The following TTLL11 variants were observed in gnomAD, a reference collection of about 807,000 sequenced individuals.
TTLL11 encodes tubulin tyrosine ligase like 11.
A neutral mutation model predicts 51.7 loss-of-function variants in TTLL11; 42 were observed. The ratio of observed to expected loss-of-function variants is 0.81; its 90% CI spans 0.64 to 1.05. The LOEUF is 1.05. TTLL11 is among the 50% of genes least tolerant of loss of function. The pLI, the probability that TTLL11 is intolerant of heterozygous loss-of-function variation, is 0.00. For missense variants in TTLL11, 799 were observed against 940.4 expected (o/e 0.85, Z 1.97); for synonymous variants, 381 against 383.5 (o/e 0.99, Z 0.08).
chr9:121,920,287 G>A (rs1420029748), intron 6 of TTLL11, among the ~76,000 whole-genome samples: 2 of 152,160 alleles, frequency 1.3e-5, no homozygotes, highest in Non-Finnish European at 2.9e-5. Context: ...TGGTGACAAG[G>A]TGAGACTCTG....
rs1418449527 is a variant in TTLL11, at chr9:121,815,876, C to CT, written c.*6710dup. ...AGAGCTCAGCACAGAGCGGAGGGGG[C>CT]TGGAGCACGTGGGGCCTCTCACCAG... On this transcript the variant is annotated 3_prime_UTR_variant, in exon 9 of 9. Coordinates refer to ENST00000321582, the MANE Select transcript of TTLL11 (RefSeq NM_001139442.2). The CT allele has an allele frequency of 2.0e-5, 3 of 152,192 alleles. No homozygotes were observed. Among genetic ancestry groups the CT allele is most frequent in the Non-Finnish European group, 4.4e-5 (3 of 68,028 alleles). The allele number at this position is 152,192 out of a possible 1,614,324, so 9.4% of individuals were successfully genotyped here. A position where few individuals can be genotyped will look rare whatever the true frequency, so the allele number is the denominator to read the frequency against.
chr9:122,025,162 A>T (rs770862646), intron 3 of TTLL11, among the ~76,000 whole-genome samples: 63 of 152,222 alleles, frequency 4.1e-4, no homozygotes, highest in Admixed American at 1.8e-3. Flanking sequence ...CCCAATTAAA[A>T]AAAAATAGGC....
chr9:121,941,304 T>C (rs1014222074), intron 6 of TTLL11, among the ~76,000 whole-genome samples: 14 of 152,216 alleles, frequency 9.2e-5, no homozygotes, highest in South Asian at 6.2e-4. Flanking sequence ...GCTTTCCTCC[T>C]CTACCCTCCT....
chr9:122,047,206 A>G (rs922297769), intron 1 of TTLL11, among the ~76,000 whole-genome samples: 16 of 152,126 alleles, frequency 1.1e-4, no homozygotes, highest in African/African-American at 3.9e-4. Flanking sequence ...ATTGTTCATA[A>G]CACCCATTGC....
chr9:122,001,308 C>T (rs1349877701), intron 3 of TTLL11, among the ~76,000 whole-genome samples: 1 of 152,166 alleles, frequency 6.6e-6, no homozygotes, highest in Non-Finnish European at 1.5e-5. Context: ...GTTGGACAGG[C>T]TGGTCTCCAA....
At chr9:122,069,715 A>G (rs867702627) in intron 1 of TTLL11, among the ~76,000 whole-genome samples, 1 of 152,006 alleles carries the variant, frequency 6.6e-6, no homozygotes, top group South Asian at 2.1e-4. Context: ...GAAGGGCCAG[A>G]AGGGATGGGA....
chr9:121,935,463 A>G (rs928702803), intron 6 of TTLL11, among the ~76,000 whole-genome samples: 6 of 152,238 alleles, frequency 3.9e-5, no homozygotes, highest in Non-Finnish European at 7.3e-5. Context: ...GGTCTAGTCT[A>G]GATCAGACAA....
At chr9:121,888,164 G>A (rs1321017770) in intron 6 of TTLL11, among the ~76,000 whole-genome samples, 11 of 152,180 alleles carry the variant, frequency 7.2e-5, no homozygotes, top group Admixed American at 4.6e-4. Context: ...GGCTGACTGA[G>A]AAGGTCCCAA....
At chr9:122,059,207 A>G (rs1845375866) in intron 1 of TTLL11, among the ~76,000 whole-genome samples, 1 of 152,184 alleles carries the variant, frequency 6.6e-6, no homozygotes, top group African/African-American at 2.4e-5. Context: ...TAATTAATTA[A>G]TTCATCCACT....
chr9:122,018,109 CT>C (rs386416144), intron 3 of TTLL11, among the ~76,000 whole-genome samples: 9,333 of 121,328 alleles, frequency 0.077, 302 homozygotes, highest in African/African-American at 0.15. Flanking sequence ...AATAATGCCA[CT>C]TTTTTTTTTT....
rs992513026 is a variant in TTLL11 at position 121,822,980 on chromosome 9, C to T, written c.1841-101G>A. ...CAAGGATGTCAGCAAGAGCTAGCCC[C>T]GCTCCCCACCACCGTCTCCATTCCA... is the stretch of plus-strand genomic sequence containing the variant. On this transcript the variant is annotated intron_variant, in intron 8 of 8. Transcript: ENST00000321582. This position sits in a 1 kb window ranked among gnomAD's most constrained non-coding sequence, Gnocchi z 5.8. The T allele has an allele frequency of 6.2e-6, 8 of 1,298,306 alleles. No individual in the cohort carries two copies. The highest frequency in any genetic ancestry group is 5.6e-5 in the Admixed American group (2 of 35,864). The allele number at this position is 1,298,306 out of a possible 1,614,324, so 80.4% of individuals were successfully genotyped here. A position where few individuals can be genotyped will look rare whatever the true frequency, so the allele number is the denominator to read the frequency against.
intron 8 of TTLL11, among the ~76,000 whole-genome samples, chr9:121,828,329 T>C (rs1406730336): frequency 1.3e-5 from 2 of 151,968 alleles, no homozygotes; most frequent in Non-Finnish European, 2.9e-5. Flanking sequence ...TGCACCACTA[T>C]ACCTGGCTAA....
chr9:122,045,410 G>A (rs1296782888), intron 1 of TTLL11, among the ~76,000 whole-genome samples: 3 of 152,090 alleles, frequency 2.0e-5, no homozygotes, highest in African/African-American at 4.8e-5. Context: ...AAAATTAGCC[G>A]GGCGTCGTGG....
At chr9:122,045,503 ATCACGCCACTG>A (rs1468768082) in intron 1 of TTLL11, among the ~76,000 whole-genome samples, 10 of 152,208 alleles carry the variant, frequency 6.6e-5, no homozygotes, top group Non-Finnish European at 8.8e-5. Context: ...GTGAGCCAAG[ATCACGCCACTG>A]CACTCCAGCC....
At chr9:121,841,670 G>A (rs567847197) in intron 8 of TTLL11, among the ~76,000 whole-genome samples, 27 of 151,716 alleles carry the variant, frequency 1.8e-4, no homozygotes, top group Non-Finnish European at 3.1e-4. Context: ...GGTGGGGCAC[G>A]AAGAACTGTT....
intron 3 of TTLL11, among the ~76,000 whole-genome samples, chr9:122,011,091 G>A (rs1843779200): frequency 6.6e-6 from 1 of 152,146 alleles, no homozygotes; most frequent in African/African-American, 2.4e-5. Flanking sequence ...CTGTTCTTGT[G>A]GTAGTGAATA....
At chr9:121,881,111 C>T (rs566659921) in intron 6 of TTLL11, among the ~76,000 whole-genome samples, 1 of 152,310 alleles carries the variant, frequency 6.6e-6, no homozygotes. Flanking sequence ...TTGTATTAGC[C>T]TCTGTTTTAC....
chr9:121,967,927 A>C (rs1842450653), intron 6 of TTLL11, among the ~76,000 whole-genome samples: 1 of 152,218 alleles, frequency 6.6e-6, no homozygotes, highest in African/African-American at 2.4e-5. Flanking sequence ...ATTCAGATGA[A>C]ATATCCAGGA....
At chr9:122,005,055 A>G (rs964368020) in intron 3 of TTLL11, among the ~76,000 whole-genome samples, 4 of 152,230 alleles carry the variant, frequency 2.6e-5, no homozygotes, top group Admixed American at 1.3e-4. Context: ...CCCAGAGAGG[A>G]CAGAAAGGAG....
Sources: gnomAD v4.1 joint callset for allele counts (sites outside exome capture counted in the v4.1 genomes callset) on GRCh38, gnomAD v4.1.1 for gene constraint, Gnocchi (gnomAD v3.1) non-coding constraint, MANE v1.5 for transcripts, NCBI Gene and HGNC (gene_info 2026-07-23, HGNC 2026-07-21) for gene names.